Variants in VDR observed in about 807,000 individuals in gnomAD.
The protein encoded by VDR is vitamin D3 receptor.
In VDR, 19 loss-of-function variants were observed where a neutral mutation model predicts 39.7. The observed-to-expected ratio is 0.48, with a 90% CI of 0.33 to 0.70. The LOEUF is 0.70. Ranked by LOEUF, VDR falls within the 30% of genes least tolerant of loss-of-function variation. The pLI is 0.02. For missense variants in VDR, 442 were observed against 570.5 expected (o/e 0.77, Z 2.29); for synonymous variants, 242 against 215.8 (o/e 1.12, Z -1.07).
chr12:47,889,570 C>T (rs948411182), intron 1 of VDR, among the ~76,000 whole-genome samples: 1 of 152,194 alleles, frequency 6.6e-6, no homozygotes, highest in African/African-American at 2.4e-5. Context: ...ATACGCCTGG[C>T]CTGAGCTTTC....
intron 2 of VDR, among the ~76,000 whole-genome samples, chr12:47,880,378 T>G (rs1946121577): frequency 6.6e-6 from 1 of 152,120 alleles, no homozygotes; most frequent in African/African-American, 2.4e-5. Flanking sequence ...CAAAGCTCAT[T>G]AAGTCTTATT....
chr12:47,864,015 G>A (rs2137162987), intron 4 of VDR, among the ~76,000 whole-genome samples: 1 of 152,276 alleles, frequency 6.6e-6, no homozygotes, highest in South Asian at 2.1e-4. Flanking sequence ...CCATAGCCAG[G>A]AGGGTCCGCA....
intron 7 of VDR, among the ~76,000 whole-genome samples, chr12:47,853,997 G>A (rs7296204): frequency 0.61 from 91,949 of 151,266 alleles, 28,538 homozygotes; most frequent in African/African-American, 0.74. Flanking sequence ...TTAAAACAAT[G>A]AAACATAGGA....
chr12:47,904,620 C>G, intron 1 of VDR: 1 of 1,536,040 alleles, frequency 6.5e-7, no homozygotes, highest in East Asian at 2.4e-5. Flanking sequence ...TTTCTTATTC[C>G]TCCACTCCAT....
At chr12:47,863,687 C>T (rs1342223038) in intron 4 of VDR, among the ~76,000 whole-genome samples, 1 of 152,176 alleles carries the variant, frequency 6.6e-6, no homozygotes, top group Admixed American at 6.5e-5. Flanking sequence ...ACCAGCGTGC[C>T]CAGGCCTGCA....
chr12:47,851,082 G>A (rs768505313), intron 7 of VDR, among the ~76,000 whole-genome samples: 107 of 152,294 alleles, frequency 7.0e-4, no homozygotes, highest in African/African-American at 2.1e-3. Context: ...GGCACAGCAC[G>A]AAGGAAGCAT....
intron 9 of VDR, among the ~76,000 whole-genome samples, chr12:47,846,084 T>C (rs906483013): frequency 5.3e-5 from 8 of 152,202 alleles, no homozygotes; most frequent in African/African-American, 9.7e-5. Context: ...GGAACCCTGC[T>C]TATCTAGTTC....
intron 7 of VDR, among the ~76,000 whole-genome samples, chr12:47,850,016 A>T (rs1293074017): frequency 6.6e-6 from 1 of 151,998 alleles, no homozygotes; most frequent in Non-Finnish European, 1.5e-5. Flanking sequence ...ACACCTGGCT[A>T]ATTTTTCTAT....
At chr12:47,864,487 C>G (rs1393542208) in intron 4 of VDR, among the ~76,000 whole-genome samples, 1 of 152,198 alleles carries the variant, frequency 6.6e-6, no homozygotes, top group Non-Finnish European at 1.5e-5. Context: ...CTCTCCCTGG[C>G]ACAAGCCCTC....
intron 2 of VDR, among the ~76,000 whole-genome samples, chr12:47,880,352 C>T (rs1228015652): frequency 6.6e-6 from 1 of 152,104 alleles, no homozygotes; most frequent in Non-Finnish European, 1.5e-5. Context: ...GATCTCTGAT[C>T]TAGGGTGTGG....
At chr12:47,879,962 G>A (rs991562650) in intron 2 of VDR, among the ~76,000 whole-genome samples, 16 of 152,254 alleles carry the variant, frequency 1.1e-4, no homozygotes, top group African/African-American at 3.9e-4. Context: ...GGCCTTCTCA[G>A]GAAGCAGCTG....
At chr12:47,855,567 C>A (rs1347417190) in intron 7 of VDR, 63 bp downstream of exon 7, 3 of 1,589,088 alleles carry the variant, frequency 1.9e-6, no homozygotes, top group Non-Finnish European at 2.6e-6. Flanking sequence ...TGATCTCCAA[C>A]CCTTCTTGTA....
intron 1 of VDR, among the ~76,000 whole-genome samples, chr12:47,891,695 C>G (rs1172534744): frequency 7.2e-5 from 11 of 152,190 alleles, no homozygotes; most frequent in Admixed American, 7.2e-4. Context: ...CTGTGGCTCC[C>G]AAGTTGTCAC....
In VDR at chr12:47,846,595, A is replaced by G; in HGVS notation, c.907+62T>C. ...TATCTGATTGGAGCCAAACCCCAGG[A>G]CGGGTGGAGCCAGAATCTGGGAGCT... On this transcript the variant is annotated intron_variant, in intron 8 of 9. Transcript: ENST00000549336. The G allele has an allele frequency of 1.9e-6, 3 of 1,608,484 alleles. No homozygotes were observed. The South Asian group carries it at 3.3e-5, about 18-fold the overall frequency.
At chr12:47,897,716 G>A (rs1230670632) in intron 1 of VDR, among the ~76,000 whole-genome samples, 10 of 152,070 alleles carry the variant, frequency 6.6e-5, no homozygotes, top group Admixed American at 4.6e-4. Flanking sequence ...CCATGGCATC[G>A]CCTCTGTTCC....
At chr12:47,863,325 T>C (rs754736988) in intron 4 of VDR, among the ~76,000 whole-genome samples, 1 of 152,228 alleles carries the variant, frequency 6.6e-6, no homozygotes, top group South Asian at 2.1e-4. Context: ...CAGTAAGACA[T>C]CCTCTTCCTC....
At chr12:47,882,173 T>C (rs1352641997) in intron 2 of VDR, among the ~76,000 whole-genome samples, 1 of 152,124 alleles carries the variant, frequency 6.6e-6, no homozygotes, top group African/African-American at 2.4e-5. Flanking sequence ...GAAGTCTCTA[T>C]GCTGGGGGTG....
intron 7 of VDR, among the ~76,000 whole-genome samples, chr12:47,853,784 T>C (rs940030154): frequency 6.6e-6 from 1 of 152,044 alleles, no homozygotes; most frequent in South Asian, 2.1e-4. Flanking sequence ...TAGCCAGGCA[T>C]GGTGGCACGC....
chr12:47,863,233 A>AACTT (rs1945660867), intron 4 of VDR, among the ~76,000 whole-genome samples: 2 of 152,216 alleles, frequency 1.3e-5, no homozygotes, highest in Non-Finnish European at 2.9e-5. Flanking sequence ...TTCTAGTCCC[A>AACTT]GCTTGGCCAC....
Sources: gnomAD v4.1 joint callset for allele counts (sites outside exome capture counted in the v4.1 genomes callset) on GRCh38, gnomAD v4.1.1 for gene constraint, MANE v1.5 for transcripts, NCBI Gene and HGNC (gene_info 2026-07-23, HGNC 2026-07-21) for gene names.